The following ZNF454 variants were observed in gnomAD, a reference collection of about 807,000 sequenced individuals.
ZNF454 encodes zinc finger protein 454.
Under a neutral mutation model 48.2 loss-of-function variants are expected in ZNF454, and 30 were observed. The observed-to-expected ratio is 0.62, with a 90% CI of 0.47 to 0.84. The LOEUF (loss-of-function observed/expected upper bound fraction) is 0.84, where lower values mean the gene tolerates loss of function less well. Among genes scored for constraint, ZNF454 ranks in the 40% least tolerant of loss-of-function variants. ZNF454 has a pLI of 0.00. For missense variants in ZNF454, 510 were observed against 623.1 expected, an observed-to-expected ratio of 0.82 and a Z score of 1.93; for synonymous variants, 204 against 211.4, an observed-to-expected ratio of 0.97 and a Z score of 0.30.
chr5:178,956,664 T>A (rs921789087), intron 4 of ZNF454, among the ~76,000 whole-genome samples: 3 of 72,022 alleles, frequency 4.2e-5, no homozygotes, highest in African/African-American at 1.4e-4. Flanking sequence ...GTCTTTATTT[T>A]ATTTTATTTA....
chr5:178,964,824 G>A lies in ZNF454; in HGVS notation c.420G>A (p.Val140=), dbSNP rs1489209439. The A allele has an allele frequency of 1.2e-6, 2 of 1,614,086 alleles. No individual in the cohort carries two copies. Among genetic ancestry groups the A allele is most frequent in the Non-Finnish European group, 1.7e-6 (2 of 1,180,032 alleles). Residue 140 remains valine (V), a synonymous_variant, in exon 5 of 5, where the codon GTG becomes GTA. Transcript: ENST00000519564. ...CGGQEISLQR[V]VLTHPNTPSQ... ...GCCAGGAGATCAGTTTGCAGCGAGT[G>A]GTACTCACTCACCCCAACACCCCAT...
At chr5:178,981,450 G>A in the ZNF454 span, 9 of 584,018 alleles carry the variant, frequency 1.5e-5, no homozygotes, top group Admixed American at 2.1e-4. This position sits in a 1 kb window ranked among gnomAD's most constrained non-coding sequence, Gnocchi z 5.1. Flanking sequence ...CTGGTCTGTG[G>A]TGAGGAAGCA....
intron 4 of ZNF454, among the ~76,000 whole-genome samples, chr5:178,959,812 A>C (rs1440887876): frequency 6.6e-6 from 1 of 151,508 alleles, no homozygotes; most frequent in Non-Finnish European, 1.5e-5. Context: ...TCACCGTGTT[A>C]GCCAGGATGG....
At chr5:178,963,934 T>A (rs541928808) in intron 4 of ZNF454, among the ~76,000 whole-genome samples, 2 of 151,906 alleles carry the variant, frequency 1.3e-5, no homozygotes, top group African/African-American at 2.4e-5. Context: ...TTTCAGCAGT[T>A]TCTTTAGGCC....
chr5:178,943,665 A>G (rs1759201758), intron 2 of ZNF454, among the ~76,000 whole-genome samples: 2 of 152,206 alleles, frequency 1.3e-5, no homozygotes, highest in African/African-American at 4.8e-5. Flanking sequence ...GAAATTATTC[A>G]AAAGACTATT....
downstream of ZNF454, chr5:178,968,806 A>C (rs1246718872): frequency 2.2e-6 from 1 of 456,586 alleles, no homozygotes; most frequent in African/African-American, 2.0e-5. Flanking sequence ...CATGAGAACT[A>C]CCACTACTTG....
the ZNF454 span, chr5:178,987,390 C>T: frequency 3.7e-5 from 17 of 462,674 alleles, no homozygotes; most frequent in Non-Finnish European, 6.5e-5. Flanking sequence ...TTCACATAGC[C>T]ACAAGATGAA....
chr5:178,984,410 T>C, the ZNF454 span, among the ~76,000 whole-genome samples: 1 of 152,146 alleles, frequency 6.6e-6, no homozygotes, highest in Non-Finnish European at 1.5e-5. Context: ...TGCAGGCGAA[T>C]TGAAGCCACA....
the ZNF454 span, chr5:178,986,292 C>A: frequency 6.2e-7 from 1 of 1,614,032 alleles, no homozygotes; most frequent in Non-Finnish European, 8.5e-7. Context: ...CCAGGAAGAG[C>A]CTGCGGGCGG....
Position 178,965,904 on chromosome 5 carries a change from A to G in ZNF454, c.1500A>G (p.Lys500=). Residue 500 remains lysine, a synonymous_variant, in exon 5 of 5, where the codon AAA becomes AAG. Transcript: ENST00000519564. The surrounding 1 kb of genome is among the most constrained non-coding windows in gnomAD (Gnocchi z 5.2). The part of the protein sequence containing the change: ...HTGEKPYKCN[K]CGKAFNQTAN... ...GAGAGAAACCCTATAAATGTAATAAATGTGGGAAAGCTTTTAACCAGACTG... is the reference window on the plus strand; with the variant it reads ...GAGAGAAACCCTATAAATGTAATAAGTGTGGGAAAGCTTTTAACCAGACTG... 1 of 1,610,230 alleles carries G rather than the reference A, an allele frequency of 6.2e-7. No homozygotes were observed. Among genetic ancestry groups the G allele is most frequent in the East Asian group, 2.2e-5 (1 of 44,858 alleles).
the ZNF454 span, among the ~76,000 whole-genome samples, chr5:178,974,479 C>T: frequency 6.6e-5 from 10 of 152,192 alleles, no homozygotes; most frequent in East Asian, 3.9e-4. Context: ...CCACCATGCC[C>T]GGCTAATTTT....
the ZNF454 span, among the ~76,000 whole-genome samples, chr5:178,985,040 A>G: frequency 6.6e-6 from 1 of 152,104 alleles, no homozygotes; most frequent in Admixed American, 6.5e-5. Flanking sequence ...CCCCCAAAGG[A>G]GCTCCATTAT....
the ZNF454 span, among the ~76,000 whole-genome samples, chr5:178,972,802 C>T: frequency 4.6e-5 from 7 of 151,980 alleles, no homozygotes; most frequent in South Asian, 2.1e-4. Flanking sequence ...GAAGGGCAGG[C>T]GGAGTGCTGA....
chr5:178,989,217 A>AAGCCC, the ZNF454 span: 3 of 954,818 alleles, frequency 3.1e-6, no homozygotes, highest in Non-Finnish European at 2.9e-6. Context: ...CCCCACCCTC[A>AAGCCC]CCACCCTCCC....
the ZNF454 span, among the ~76,000 whole-genome samples, chr5:178,973,877 T>A: frequency 6.6e-6 from 1 of 151,160 alleles, no homozygotes; most frequent in African/African-American, 2.4e-5. Context: ...CTGAAGAATT[T>A]AAAAAATTCT....
the ZNF454 span, chr5:178,987,307 C>A: frequency 1.9e-6 from 1 of 518,514 alleles, no homozygotes; most frequent in East Asian, 5.2e-5. Context: ...GTTCCACTCC[C>A]GGGTAGATAC....
At chr5:178,989,516 G>A in the ZNF454 span, 1 of 1,360,304 alleles carries the variant, frequency 7.4e-7, no homozygotes, top group Non-Finnish European at 1.0e-6. Flanking sequence ...GGTGAGCTAG[G>A]AGTGGCCAGG....
rs1283692533 is a variant in ZNF454 at position 178,944,536 on chromosome 5, C to T, written c.33+1712C>T. Among the ~76,000 whole-genome samples, 1 of 152,190 alleles carries T rather than the reference C, an allele frequency of 6.6e-6. No individual in the cohort carries two copies. Among genetic ancestry groups the T allele is most frequent in the Non-Finnish European group, 1.5e-5 (1 of 68,036 alleles). The stretch of plus-strand genomic sequence containing the variant: ...GACAAATTGGTTCATGGCTTCCATC[C>T]AAGTGTTTCTTGACTGCCTGTCATG... On this transcript the variant is annotated intron_variant, in intron 2 of 4. Coordinates refer to ENST00000519564, the MANE Select transcript of ZNF454 (RefSeq NM_001178089.3). The surrounding 1 kb of genome is among the most constrained non-coding windows in gnomAD (Gnocchi z 4.1).
At chr5:178,962,964 G>A (rs1031662611) in intron 4 of ZNF454, among the ~76,000 whole-genome samples, 10 of 151,698 alleles carry the variant, frequency 6.6e-5, no homozygotes, top group African/African-American at 1.7e-4. Flanking sequence ...CAGGAGTCCC[G>A]GCTGAGAGCT....
Sources: allele counts gnomAD v4.1 joint callset (sites outside exome capture counted in the v4.1 genomes callset), GRCh38; gene constraint gnomAD v4.1.1; non-coding constraint Gnocchi (gnomAD v3.1); transcripts MANE v1.5; gene names NCBI Gene and HGNC (gene_info 2026-07-23, HGNC 2026-07-21).